DTX4: variants seen among roughly 807,000 people sequenced by gnomAD.
DTX4 encodes E3 ubiquitin-protein ligase DTX4.
Under a neutral mutation model 57.6 loss-of-function variants are expected in DTX4, and 28 were observed. The ratio of observed to expected loss-of-function variants is 0.49; its 90% confidence interval spans 0.36 to 0.67. The LOEUF (loss-of-function observed/expected upper bound fraction) is 0.67. Ranked by LOEUF, DTX4 falls within the 30% of genes least tolerant of loss-of-function variation. The probability of loss-of-function intolerance (pLI) is 0.00; values close to 1 mark genes in which losing one functional copy is unlikely to be tolerated. For missense variants in DTX4, 715 were observed against 836.8 expected (o/e 0.85, Z 1.80); for synonymous variants, 316 against 331.0 (o/e 0.95, Z 0.49).
At chr11:59,173,411 A>G (rs1862354179) in intron 1 of DTX4, among the ~76,000 whole-genome samples, 1 of 152,044 alleles carries the variant, frequency 6.6e-6, no homozygotes, top group Admixed American at 6.5e-5. Flanking sequence ...CTGGGAGGAG[A>G]GACTAGGGCT....
rs969327104 is a variant in DTX4 at position 59,207,264 on chromosome 11, GTGGGGAAGGGGGT to G, written c.*2356_*2368del. ...CCACATCAGGGAGAAGAAGGTATAG[GTGGGGAAGGGGGT>G]GGCCAGGAGCAGAAGGAAGAAGACT... is the stretch of plus-strand genomic sequence containing the variant. On this transcript the variant is annotated 3_prime_UTR_variant, in exon 9 of 9. Transcript: ENST00000227451. The G allele has an allele frequency of 1.3e-5, 2 of 152,456 alleles. No homozygotes were observed. Among genetic ancestry groups the G allele is most frequent in the African/African-American group, 4.8e-5 (2 of 41,450 alleles). 9.4% of individuals were successfully genotyped at this position (152,456 alleles called of 1,614,324 possible).
chr11:59,207,586 G>T lies in DTX4; in HGVS notation c.*2677G>T, dbSNP rs1227198266. The T allele has an allele frequency of 6.5e-6, 1 of 152,692 alleles. No individual in the cohort carries two copies. Among genetic ancestry groups the T allele is most frequent in the African/African-American group, 2.4e-5 (1 of 41,452 alleles). 9.5% of individuals were successfully genotyped at this position (152,692 alleles called of 1,614,324 possible). A position where few individuals can be genotyped will look rare whatever the true frequency, so the allele number is the denominator to read the frequency against. The stretch of plus-strand genomic sequence containing the variant: ...CTGGAAAGGTGCAGTCTAGATTTCA[G>T]TGAGAACCCTGCCAGCTGAGCCCTG... On this transcript the variant is annotated 3_prime_UTR_variant, in exon 9 of 9. Coordinates refer to ENST00000227451, the MANE Select transcript of DTX4 (RefSeq NM_015177.2).
rs77713840 is a variant in DTX4 at position 59,203,290 on chromosome 11, T to C, written c.1627-1386T>C. ...TAACTTTTTTCACTTTTCACCTGTT[T>C]GTAACAACACAGCTTAAAACACAAA... On this transcript the variant is annotated intron_variant, in intron 8 of 8. Transcript: ENST00000227451. Among the ~76,000 whole-genome samples, 47 of 152,370 alleles carry C rather than the reference T, an allele frequency of 3.1e-4. 1 individual carries two copies. In the East Asian group the frequency reaches 8.9e-3, roughly 29 times the overall value.
chr11:59,198,411 C>G (rs1174606737), intron 7 of DTX4, among the ~76,000 whole-genome samples: 1 of 152,196 alleles, frequency 6.6e-6, no homozygotes, highest in East Asian at 1.9e-4. Context: ...ATGTCAAATT[C>G]ATAAATGTTG....
chr11:59,184,619 C>T (rs1351323577), intron 2 of DTX4, among the ~76,000 whole-genome samples: 4 of 152,188 alleles, frequency 2.6e-5, no homozygotes, highest in Non-Finnish European at 5.9e-5. Context: ...GAGGGAGAGG[C>T]ACCCAGGTGG....
chr11:59,191,507 A>G (rs542782508), intron 5 of DTX4, among the ~76,000 whole-genome samples: 10 of 152,346 alleles, frequency 6.6e-5, no homozygotes, highest in East Asian at 3.9e-4. Flanking sequence ...ACCAGAGACA[A>G]TTTGGCCCCT....
chr11:59,183,450 C>T (rs1862490593), intron 2 of DTX4, among the ~76,000 whole-genome samples: 1 of 152,142 alleles, frequency 6.6e-6, no homozygotes, highest in Admixed American at 6.5e-5. Flanking sequence ...ATCGAAGTGA[C>T]CCAGATCCAT....
chr11:59,194,368 A>G (rs1430697113), intron 6 of DTX4, among the ~76,000 whole-genome samples: 1 of 152,198 alleles, frequency 6.6e-6, no homozygotes, highest in Non-Finnish European at 1.5e-5. Flanking sequence ...CTTACACTCT[A>G]TCCTTCTAAG....
At chr11:59,177,790 A>C (rs1862413612) in intron 1 of DTX4, among the ~76,000 whole-genome samples, 1 of 152,258 alleles carries the variant, frequency 6.6e-6, no homozygotes, top group East Asian at 1.9e-4. Flanking sequence ...ATACGAGTCC[A>C]TGCCATTTGT....
chr11:59,208,357 G>A lies in DTX4; in HGVS notation c.*3448G>A, dbSNP rs970437110. 1.0e-5 allele frequency: 1 copy of A among 99,226 alleles called. No homozygotes were observed. Among genetic ancestry groups the A allele is most frequent in the African/African-American group, 3.3e-5 (1 of 30,362 alleles). 6.1% of individuals were successfully genotyped at this position (99,226 alleles called of 1,614,324 possible). A position where few individuals can be genotyped will look rare whatever the true frequency, so the allele number is the denominator to read the frequency against. ...CCCACCCACACATTTGACCTGGCTA[G>A]ACTTTGTTTGCCTAAAGGAACAGAC... On this transcript the variant is annotated 3_prime_UTR_variant, in exon 9 of 9. Coordinates refer to ENST00000227451, the MANE Select transcript of DTX4 (RefSeq NM_015177.2).
chr11:59,204,615 A>C, intron 8 of DTX4, 61 bp from the exon 9 acceptor site: 1 of 1,473,976 alleles, frequency 6.8e-7, no homozygotes. Context: ...CTACCGTCCA[A>C]GGGATAGTCT....
chr11:59,203,431 G>A (rs550039031), intron 8 of DTX4, among the ~76,000 whole-genome samples: 7 of 150,394 alleles, frequency 4.7e-5, no homozygotes, highest in Admixed American at 2.0e-4. Flanking sequence ...ATGAACACAC[G>A]AACATATACC....
rs1393080760 is a variant in DTX4, at chr11:59,207,615, A to G, written c.*2706A>G. 1 of 152,690 alleles carries G rather than the reference A, an allele frequency of 6.5e-6. No homozygotes were observed. Among genetic ancestry groups the G allele is most frequent in the Non-Finnish European group, 1.5e-5 (1 of 68,094 alleles). The allele number at this position is 152,690 out of a possible 1,614,324, so 9.5% of individuals were successfully genotyped here. A position where few individuals can be genotyped will look rare whatever the true frequency, so the allele number is the denominator to read the frequency against. ...GAACCCTGCCAGCTGAGCCCTGTGC[A>G]TCTACTACCTTGACACAGAGTGTTT... On this transcript the variant is annotated 3_prime_UTR_variant, in exon 9 of 9. Coordinates refer to ENST00000227451, the MANE Select transcript of DTX4 (RefSeq NM_015177.2).
intron 1 of DTX4, among the ~76,000 whole-genome samples, chr11:59,179,107 G>A (rs1862429747): frequency 6.6e-6 from 1 of 151,658 alleles, no homozygotes; most frequent in Admixed American, 6.6e-5. Flanking sequence ...CACAGTCCCT[G>A]CCACCCTGGA....
chr11:59,180,666 G>A (rs910451907), intron 1 of DTX4, among the ~76,000 whole-genome samples: 5 of 152,150 alleles, frequency 3.3e-5, no homozygotes, highest in Non-Finnish European at 1.5e-5. Flanking sequence ...GACATCTTTA[G>A]CCTTAATGTT....
At chr11:59,196,318 A>G (rs781359237) in intron 7 of DTX4, among the ~76,000 whole-genome samples, 1 of 152,238 alleles carries the variant, frequency 6.6e-6, no homozygotes, top group Non-Finnish European at 1.5e-5. Flanking sequence ...TAAACAAGGT[A>G]CCTCCAGATA....
intron 4 of DTX4, among the ~76,000 whole-genome samples, chr11:59,190,189 G>A (rs560504410): frequency 1.3e-5 from 2 of 152,278 alleles, no homozygotes; most frequent in South Asian, 2.1e-4. Flanking sequence ...TTTCCAGTCC[G>A]TCAAGATTTC....
chr11:59,174,282 G>A (rs1276097570), intron 1 of DTX4, among the ~76,000 whole-genome samples: 4 of 152,010 alleles, frequency 2.6e-5, no homozygotes, highest in South Asian at 4.2e-4. Context: ...AGAATAGAGA[G>A]GAATGTGGGG....
chr11:59,207,886 T>C lies in DTX4; in HGVS notation c.*2977T>C, dbSNP rs1862834466. On this transcript the variant is annotated 3_prime_UTR_variant, in exon 9 of 9. Coordinates refer to ENST00000227451, the MANE Select transcript of DTX4 (RefSeq NM_015177.2). The stretch of plus-strand genomic sequence containing the variant: ...GTACATTTTGGTCTTCTCTGTGGTT[T>C]TATACTTGGTCAAAAGTACTCGTCT... 1 of 152,668 alleles carries C rather than the reference T, an allele frequency of 6.6e-6. No homozygotes were observed. The highest frequency in any genetic ancestry group is 2.4e-5 in the African/African-American group (1 of 41,438). 9.5% of individuals were successfully genotyped at this position (152,668 alleles called of 1,614,324 possible). A position where few individuals can be genotyped will look rare whatever the true frequency, so the allele number is the denominator to read the frequency against.
Sources: gnomAD v4.1 joint callset for allele counts (sites outside exome capture counted in the v4.1 genomes callset) on GRCh38, gnomAD v4.1.1 for gene constraint, MANE v1.5 for transcripts, NCBI Gene and HGNC (gene_info 2026-07-23, HGNC 2026-07-21) for gene names.